The following SYT16 variants were observed in gnomAD, a reference collection of about 807,000 sequenced individuals.
SYT16 encodes synaptotagmin-16.
Under a neutral mutation model 61.4 loss-of-function variants are expected in SYT16, and 42 were observed. The observed-to-expected ratio is 0.68, with a 90% CI of 0.53 to 0.89. The LOEUF (loss-of-function observed/expected upper bound fraction) is 0.89, where lower values mean the gene tolerates loss of function less well. SYT16 is among the 40% of genes least tolerant of loss of function. The pLI is 0.00. For missense variants in SYT16, 804 were observed against 807.3 expected (o/e 1.00, Z 0.05); for synonymous variants, 314 against 302.3 (o/e 1.04, Z -0.40).
chr14:61,947,577 G>A lies in SYT16; in HGVS notation c.-324-22555G>A, dbSNP rs562261760. On this transcript the variant is annotated intron_variant, in intron 1 of 7. Coordinates refer to ENST00000683842, the MANE Select transcript of SYT16 (RefSeq NM_001367656.1). The stretch of plus-strand genomic sequence containing the variant: ...CTTATTCAGTGACAGTTTACTGATA[G>A]GGTTATTGTGCATAAAATGACTTAA... 1.2e-4 allele frequency among the ~76,000 whole-genome samples: 19 copies of A among 152,206 alleles called. No homozygotes were observed. In the East Asian group the frequency reaches 3.5e-3, roughly 28 times the overall value.
chr14:61,865,913 T>C lies in SYT16; in HGVS notation c.-325+53103T>C, dbSNP rs190649602. Among the ~76,000 whole-genome samples the C allele has an allele frequency of 9.7e-3, 1,480 of 152,338 alleles. 9 individuals carry two copies. Among genetic ancestry groups the C allele is most frequent in the Middle Eastern group, 0.034 (10 of 294 alleles). Reference sequence around the variant, plus strand: ...TATCTGGAATTAAGGTGCAGTAAACTTAGTCTTACGAAATTGATCACAGAT... The same window carrying C: ...TATCTGGAATTAAGGTGCAGTAAACCTAGTCTTACGAAATTGATCACAGAT... On this transcript the variant is annotated intron_variant, in intron 1 of 7. Coordinates refer to ENST00000683842, the MANE Select transcript of SYT16 (RefSeq NM_001367656.1).
At chr14:61,960,212 AAGT>A (rs1281138541) in intron 1 of SYT16, among the ~76,000 whole-genome samples, 84 of 152,218 alleles carry the variant, frequency 5.5e-4, no homozygotes, top group African/African-American at 1.8e-3. Flanking sequence ...ATGAATTTTA[AAGT>A]AGTTTTTTCT....
intron 1 of SYT16, among the ~76,000 whole-genome samples, chr14:61,935,980 T>G (rs2049966082): frequency 6.6e-6 from 1 of 152,230 alleles, no homozygotes. Context: ...GAGAAACTTG[T>G]GTCTAACTAT....
At chr14:62,063,362 A>G (rs2055913512) in intron 3 of SYT16, among the ~76,000 whole-genome samples, 1 of 152,224 alleles carries the variant, frequency 6.6e-6, no homozygotes, top group African/African-American at 2.4e-5. Context: ...GAATATAACA[A>G]TAGTAGTTAA....
chr14:62,030,542 A>G (rs1204014505), intron 3 of SYT16, among the ~76,000 whole-genome samples: 1 of 152,236 alleles, frequency 6.6e-6, no homozygotes, highest in African/African-American at 2.4e-5. Flanking sequence ...GATTTGTGCT[A>G]TACATTTTGT....
rs1451375801 is a variant in SYT16 at position 62,104,778 on chromosome 14, G to T, written c.*4071G>T. 2.0e-5 allele frequency: 3 copies of T among 152,118 alleles called. No individual in the cohort carries two copies. The highest frequency in any genetic ancestry group is 2.0e-4 in the Admixed American group (3 of 15,266). 9.4% of individuals were successfully genotyped at this position (152,118 alleles called of 1,614,324 possible). On this transcript the variant is annotated 3_prime_UTR_variant, in exon 8 of 8. Coordinates refer to ENST00000683842, the MANE Select transcript of SYT16 (RefSeq NM_001367656.1). ...TGTGTGGCCTTAAGAAAATTACTTA[G>T]CCAGCCTGTATCCTGGTTTCTTCAA...
intron 1 of SYT16, among the ~76,000 whole-genome samples, chr14:61,831,401 C>T (rs892080437): frequency 1.2e-4 from 19 of 152,136 alleles, no homozygotes; most frequent in South Asian, 2.1e-4. Flanking sequence ...TGTCTTCCTC[C>T]GGTTGATTTT....
At chr14:61,949,434 T>A (rs2050579149) in intron 1 of SYT16, among the ~76,000 whole-genome samples, 1 of 152,146 alleles carries the variant, frequency 6.6e-6, no homozygotes, top group African/African-American at 2.4e-5. Flanking sequence ...ATCTCATATA[T>A]TTTTTTCTTT....
chr14:61,917,366 C>A (rs529617627), intron 1 of SYT16, among the ~76,000 whole-genome samples: 1 of 152,170 alleles, frequency 6.6e-6, no homozygotes, highest in Non-Finnish European at 1.5e-5. Flanking sequence ...ATCCTCTGGG[C>A]CACAGGGATT....
At chr14:61,817,203 G>T (rs1447880010) in intron 1 of SYT16, among the ~76,000 whole-genome samples, 1 of 151,622 alleles carries the variant, frequency 6.6e-6, no homozygotes, top group Admixed American at 6.6e-5. Flanking sequence ...GATCGCCTGA[G>T]GTCAGGAGTT....
intron 1 of SYT16, among the ~76,000 whole-genome samples, chr14:61,958,400 G>A (rs190015058): frequency 4.6e-5 from 7 of 151,320 alleles, no homozygotes; most frequent in African/African-American, 1.5e-4. Flanking sequence ...TTTAATGTAC[G>A]TATTTATTGC....
At chr14:61,910,621 C>T (rs2048897894) in intron 1 of SYT16, among the ~76,000 whole-genome samples, 1 of 151,806 alleles carries the variant, frequency 6.6e-6, no homozygotes, top group Non-Finnish European at 1.5e-5. Flanking sequence ...ACCTCTGCCT[C>T]CCGGATTCAA....
intron 1 of SYT16, among the ~76,000 whole-genome samples, chr14:61,932,531 G>A (rs181096453): frequency 4.6e-5 from 7 of 152,158 alleles, no homozygotes; most frequent in Admixed American, 2.0e-4. Flanking sequence ...ATCAGATCTC[G>A]TGAGAATTCA....
chr14:61,930,115 A>G (rs1470983086), intron 1 of SYT16, among the ~76,000 whole-genome samples: 1 of 152,154 alleles, frequency 6.6e-6, no homozygotes, highest in African/African-American at 2.4e-5. Context: ...GATGCTGAGT[A>G]CAAGATGCTT....
intron 1 of SYT16, among the ~76,000 whole-genome samples, chr14:61,817,954 T>C (rs1566605457): frequency 1.3e-5 from 2 of 152,204 alleles, no homozygotes; most frequent in Admixed American, 1.3e-4. Flanking sequence ...AGGAGTTCCT[T>C]GTGCTGTTCT....
At chr14:61,891,495 C>T (rs1170235711) in intron 1 of SYT16, among the ~76,000 whole-genome samples, 1 of 152,176 alleles carries the variant, frequency 6.6e-6, no homozygotes. Flanking sequence ...CCTGTGGGAT[C>T]AAGATAATGA....
At chr14:61,955,975 G>T (rs1178722612) in intron 1 of SYT16, among the ~76,000 whole-genome samples, 2 of 150,662 alleles carry the variant, frequency 1.3e-5, no homozygotes, top group Non-Finnish European at 1.5e-5. Context: ...TTTATTTTTC[G>T]CTTTCTCTTT....
intron 5 of SYT16, among the ~76,000 whole-genome samples, chr14:62,077,395 C>T (rs2056534727): frequency 6.6e-6 from 1 of 152,206 alleles, no homozygotes; most frequent in African/African-American, 2.4e-5. Flanking sequence ...GATTTTCGAG[C>T]TCTGCTCTTC....
chr14:62,016,539 CAAAAAAAA>C (rs10610233), intron 3 of SYT16, among the ~76,000 whole-genome samples: 18 of 97,270 alleles, frequency 1.9e-4, no homozygotes, highest in Non-Finnish European at 2.1e-4. Context: ...TCTAAAAATA[CAAAAAAAA>C]AAAAAAAAAA....
Sources: allele counts gnomAD v4.1 joint callset (sites outside exome capture counted in the v4.1 genomes callset), GRCh38; gene constraint gnomAD v4.1.1; transcripts MANE v1.5; gene names NCBI Gene and HGNC (gene_info 2026-07-23, HGNC 2026-07-21).